DTNA: variants seen among roughly 807,000 people sequenced by gnomAD.
The protein encoded by DTNA is dystrophin-related protein 3.
A neutral mutation model predicts 100.7 loss-of-function variants in DTNA; 43 were observed. That is an observed-to-expected ratio of 0.43 (90% CI 0.33 to 0.55). The LOEUF (loss-of-function observed/expected upper bound fraction) is 0.55, where lower values mean the gene tolerates loss of function less well. Ranked by LOEUF, DTNA falls within the 20% of genes least tolerant of loss-of-function variation. The pLI is 0.04. For missense variants in DTNA, 798 were observed against 953.9 expected (o/e 0.84, Z 2.15); for synonymous variants, 349 against 347.9 (o/e 1.00, Z -0.04).
intron 1 of DTNA, among the ~76,000 whole-genome samples, chr18:34,711,618 G>T (rs1600625595): frequency 6.6e-6 from 1 of 152,106 alleles, no homozygotes; most frequent in South Asian, 2.1e-4. Context: ...CACTAATTAG[G>T]ATAAAAGCCA....
intron 1 of DTNA, among the ~76,000 whole-genome samples, chr18:34,602,317 G>T (rs2052036654): frequency 6.6e-6 from 1 of 152,150 alleles, no homozygotes; most frequent in African/African-American, 2.4e-5. Context: ...TGTGTGTATT[G>T]TGGGGAGGGC....
chr18:34,561,974 A>G (rs2046678247), intron 1 of DTNA, among the ~76,000 whole-genome samples: 1 of 152,106 alleles, frequency 6.6e-6, no homozygotes, highest in Non-Finnish European at 1.5e-5. Context: ...AAGTGATTGC[A>G]TTTTTTTCTT....
chr18:34,537,356 C>A (rs1382762390), intron 1 of DTNA, among the ~76,000 whole-genome samples: 4 of 151,860 alleles, frequency 2.6e-5, no homozygotes, highest in Non-Finnish European at 5.9e-5. Flanking sequence ...AGAAAATTTG[C>A]AGTGCTGAAA....
At chr18:34,504,642 A>G (rs956910882) in intron 1 of DTNA, among the ~76,000 whole-genome samples, 1 of 152,214 alleles carries the variant, frequency 6.6e-6, no homozygotes, top group African/African-American at 2.4e-5. Context: ...TCTTAAAGCA[A>G]TTGAAATATG....
intron 1 of DTNA, among the ~76,000 whole-genome samples, chr18:34,727,216 C>A (rs1157907202): frequency 6.6e-6 from 1 of 152,252 alleles, no homozygotes; most frequent in African/African-American, 2.4e-5. Flanking sequence ...TTCTTTCCTA[C>A]TGTGATCCTG....
At chr18:34,609,043 G>A (rs2053685073) in intron 1 of DTNA, among the ~76,000 whole-genome samples, 1 of 152,062 alleles carries the variant, frequency 6.6e-6, no homozygotes, top group East Asian at 1.9e-4. Flanking sequence ...GGAAAATAAA[G>A]AATGACTTTG....
intron 17 of DTNA, among the ~76,000 whole-genome samples, chr18:34,871,253 C>G (rs1032705107): frequency 6.6e-6 from 1 of 152,176 alleles, no homozygotes; most frequent in Non-Finnish European, 1.5e-5. Flanking sequence ...AATCAAAACA[C>G]TTCCTGGAAA....
chr18:34,608,734 C>A (rs1476989058), intron 1 of DTNA, among the ~76,000 whole-genome samples: 3 of 152,128 alleles, frequency 2.0e-5, no homozygotes, highest in Non-Finnish European at 4.4e-5. Flanking sequence ...GCAGTTTTCC[C>A]ATCAGAATGT....
chr18:34,808,381 C>T (rs762153045), intron 5 of DTNA, among the ~76,000 whole-genome samples: 3 of 152,146 alleles, frequency 2.0e-5, no homozygotes, highest in African/African-American at 7.2e-5. Context: ...GTCCCCAAGC[C>T]CTTACAGCTC....
chr18:34,755,815 T>A (rs1448168107), intron 1 of DTNA, among the ~76,000 whole-genome samples, 161 bp from the exon 2 acceptor site: 1 of 152,180 alleles, frequency 6.6e-6, no homozygotes, highest in Non-Finnish European at 1.5e-5. Flanking sequence ...TGCGCAGCAA[T>A]TTAGGTTAGT....
intron 11 of DTNA, among the ~76,000 whole-genome samples, chr18:34,834,827 G>A (rs965441340): frequency 1.3e-5 from 2 of 152,106 alleles, no homozygotes; most frequent in Non-Finnish European, 2.9e-5. Flanking sequence ...CAACATTGAG[G>A]ATCAAATTTC....
chr18:34,606,118 T>A (rs1598956788), intron 1 of DTNA, among the ~76,000 whole-genome samples: 1 of 152,058 alleles, frequency 6.6e-6, no homozygotes, highest in African/African-American at 2.4e-5. Flanking sequence ...GACTTTGGAG[T>A]TTAATAAGTT....
At chr18:34,856,409 C>T (rs2096553247) in intron 15 of DTNA, among the ~76,000 whole-genome samples, 1 of 152,226 alleles carries the variant, frequency 6.6e-6, no homozygotes, top group Non-Finnish European at 1.5e-5. Context: ...CCAGGTAACA[C>T]ACAGACATTT....
rs1282732697 is a variant in DTNA, at chr18:34,851,861, A to T, written c.1465A>T (p.Ile489Phe). 1.9e-6 allele frequency: 3 copies of T among 1,614,096 alleles called. No homozygotes were observed. The South Asian group carries it at 3.3e-5, about 18-fold the overall frequency. Reference protein sequence around the residue: ...QPPQQRSAPDISFTIDANKQQ... With the variant: ...QPPQQRSAPDFSFTIDANKQQ... ...ACCTCAGCAGAGAAGTGCTCCTGAC[A>T]TCTCTTTCACCATCGATGCGAATAA... Residue 489 changes from isoleucine to phenylalanine, a missense_variant, in exon 15 of 23, where the codon ATC (isoleucine) becomes TTC (phenylalanine). Ile to Phe is a conservative substitution (Grantham distance 21). This residue lies in a region of DTNA where 159 missense variants were observed against 201.2 expected (regional missense o/e 0.79). Transcript: ENST00000444659.
intron 1 of DTNA, among the ~76,000 whole-genome samples, chr18:34,637,903 G>A (rs1435672943): frequency 1.3e-5 from 2 of 152,188 alleles, no homozygotes; most frequent in African/African-American, 2.4e-5. Flanking sequence ...CAATAGCAAA[G>A]GTAAATTTGT....
intron 1 of DTNA, among the ~76,000 whole-genome samples, chr18:34,498,231 C>T (rs576136545): frequency 3.9e-5 from 6 of 151,984 alleles, no homozygotes; most frequent in Non-Finnish European, 7.4e-5. Flanking sequence ...CTGGCTAACA[C>T]GGTGAAACTC....
intron 1 of DTNA, among the ~76,000 whole-genome samples, chr18:34,500,944 T>C (rs2039854238): frequency 6.6e-6 from 1 of 152,194 alleles, no homozygotes; most frequent in South Asian, 2.1e-4. Flanking sequence ...TATATGCCTT[T>C]TGTTTCCTTT....
chr18:34,819,454 C>G (rs115362895), intron 8 of DTNA, among the ~76,000 whole-genome samples: 1 of 152,256 alleles, frequency 6.6e-6, no homozygotes, highest in Admixed American at 6.5e-5. Flanking sequence ...TACATTAACA[C>G]GGATCATGAA....
chr18:34,641,673 T>C (rs947402449), intron 1 of DTNA, among the ~76,000 whole-genome samples: 2 of 152,234 alleles, frequency 1.3e-5, no homozygotes, highest in Non-Finnish European at 2.9e-5. Flanking sequence ...TATCATTGCG[T>C]CTCAAATTGA....
Sources: gnomAD v4.1 joint callset for allele counts (sites outside exome capture counted in the v4.1 genomes callset) on GRCh38, gnomAD v4.1.1 for gene constraint, gnomAD v4.1.1 regional missense constraint, MANE v1.5 for transcripts, NCBI Gene and HGNC (gene_info 2026-07-23, HGNC 2026-07-21) for gene names.